FTO: variants seen among roughly 807,000 people sequenced by gnomAD.
FTO encodes the protein alpha-ketoglutarate-dependent dioxygenase FTO.
In FTO, 47 loss-of-function variants were observed where a neutral mutation model predicts 63.9. That is an observed-to-expected ratio of 0.74 (90% CI 0.58 to 0.94). The LOEUF (loss-of-function observed/expected upper bound fraction) is 0.94. Ranked by LOEUF, FTO falls within the 40% of genes least tolerant of loss-of-function variation. The pLI is 0.00. For synonymous variants in FTO, 207 were observed against 224.4 expected (o/e 0.92, Z 0.69); for missense variants, 562 against 618.1 (o/e 0.91, Z 0.96).
At chr16:53,903,755 C>T (rs2081464318) in intron 7 of FTO, among the ~76,000 whole-genome samples, 1 of 152,050 alleles carries the variant, frequency 6.6e-6, no homozygotes, top group Middle Eastern at 3.2e-3. Flanking sequence ...TAGTGAGTAT[C>T]CTAATACATA....
At chr16:53,986,556 G>A (rs191166271) in intron 8 of FTO, among the ~76,000 whole-genome samples, 19 of 152,232 alleles carry the variant, frequency 1.2e-4, no homozygotes, top group Admixed American at 5.9e-4. Context: ...ATACAAAAAG[G>A]GTACTCTGAT....
intron 1 of FTO, among the ~76,000 whole-genome samples, chr16:53,729,839 T>C (rs1160353889): frequency 2.6e-5 from 4 of 152,196 alleles, no homozygotes; most frequent in African/African-American, 9.7e-5. Context: ...TTCTGAGACT[T>C]CTGTGATTCT....
At chr16:53,774,378 A>G (rs2077414501) in intron 1 of FTO, among the ~76,000 whole-genome samples, 1 of 152,160 alleles carries the variant, frequency 6.6e-6, no homozygotes, top group Non-Finnish European at 1.5e-5. Flanking sequence ...TAAGAAAGCT[A>G]GGAAGATTTT....
At chr16:54,069,085 G>A (rs770836469) in intron 8 of FTO, among the ~76,000 whole-genome samples, 5 of 152,014 alleles carry the variant, frequency 3.3e-5, no homozygotes, top group Admixed American at 6.6e-5. Flanking sequence ...TAAACTGATC[G>A]CTCCAGTTTT....
intron 5 of FTO, among the ~76,000 whole-genome samples, chr16:53,874,481 T>G (rs972313245): frequency 2.0e-5 from 3 of 152,208 alleles, no homozygotes; most frequent in Non-Finnish European, 4.4e-5. Flanking sequence ...TGGGGTCCCA[T>G]GTACTCAGTT....
chr16:53,932,683 C>G (rs1463660819), intron 7 of FTO, among the ~76,000 whole-genome samples: 1 of 152,164 alleles, frequency 6.6e-6, no homozygotes, highest in African/African-American at 2.4e-5. Flanking sequence ...AACCACTGCA[C>G]TCAGCCCTGG....
At chr16:53,809,122 G>T (rs1335118212) in intron 1 of FTO, among the ~76,000 whole-genome samples, 1 of 152,148 alleles carries the variant, frequency 6.6e-6, no homozygotes, top group Non-Finnish European at 1.5e-5. Context: ...ATATGAGATC[G>T]TCTTTCAGTT....
intron 1 of FTO, among the ~76,000 whole-genome samples, chr16:53,805,257 C>T (rs191855966): frequency 3.3e-4 from 50 of 152,128 alleles, no homozygotes; most frequent in Non-Finnish European, 6.3e-4. Context: ...TGAGATACAC[C>T]CTTACATGAT....
intron 1 of FTO, among the ~76,000 whole-genome samples, chr16:53,798,083 C>G (rs891722994): frequency 6.6e-6 from 1 of 151,954 alleles, no homozygotes. Flanking sequence ...TCTTCTTTCT[C>G]CATTTGAATC....
intron 1 of FTO, among the ~76,000 whole-genome samples, chr16:53,776,728 T>G (rs2151644852): frequency 6.6e-6 from 1 of 152,338 alleles, no homozygotes; most frequent in African/African-American, 2.4e-5. Flanking sequence ...TGCACATCTC[T>G]TTACTGTCTA....
rs57004473 is a variant in FTO, at chr16:53,852,101, C to CAAAAAAAAAAAAAAAAAAAAA, written c.895+7822_895+7823insAAAAAAAAAAAAAAAAAAAAA. Among the ~76,000 whole-genome samples, 44 of 54,418 alleles carry CAAAAAAAAAAAAAAAAAAAAA rather than the reference C, an allele frequency of 8.1e-4. 5 individuals are homozygous for CAAAAAAAAAAAAAAAAAAAAA. Among genetic ancestry groups the CAAAAAAAAAAAAAAAAAAAAA allele is most frequent in the East Asian group, 3.3e-3 (6 of 1,804 alleles). 35.7% of individuals were successfully genotyped at this position (54,418 alleles called of 152,430 possible). On this transcript the variant is annotated intron_variant, in intron 4 of 8. Transcript: ENST00000471389. Reference sequence around the variant, plus strand: ...CAAAACTCTGTCTCTACAAAAAATACAAAAAAAAAAAAAAAAAAAGCCAGG... The same window carrying CAAAAAAAAAAAAAAAAAAAAA: ...CAAAACTCTGTCTCTACAAAAAATACAAAAAAAAAAAAAAAAAAAAAAAAAAAAAAAAAAAAAAAAGCCAGG...
At chr16:53,983,125 C>T (rs539422587) in intron 8 of FTO, among the ~76,000 whole-genome samples, 11 of 152,166 alleles carry the variant, frequency 7.2e-5, no homozygotes, top group East Asian at 1.9e-4. Flanking sequence ...TTTCTCTCTG[C>T]GCTTTTTGTG....
intron 7 of FTO, among the ~76,000 whole-genome samples, chr16:53,916,334 G>A (rs1282464407): frequency 6.6e-6 from 1 of 152,046 alleles, no homozygotes; most frequent in Admixed American, 6.5e-5. Flanking sequence ...ATATGCTTGG[G>A]TCTCTCTGTG....
intron 3 of FTO, among the ~76,000 whole-genome samples, chr16:53,834,768 T>C (rs1403202672): frequency 6.6e-6 from 1 of 152,198 alleles, no homozygotes; most frequent in African/African-American, 2.4e-5. Context: ...ATTTCTACTC[T>C]TTTCTTTCAG....
chr16:53,906,504 T>C (rs1054263613), intron 7 of FTO, among the ~76,000 whole-genome samples: 33 of 152,282 alleles, frequency 2.2e-4, no homozygotes, highest in African/African-American at 7.7e-4. Flanking sequence ...AACAGCTATG[T>C]TTATGATTCT....
chr16:54,007,714 C>G (rs1322943702), intron 8 of FTO, among the ~76,000 whole-genome samples: 1 of 152,166 alleles, frequency 6.6e-6, no homozygotes, highest in Admixed American at 6.5e-5. Context: ...ACCCTACTCC[C>G]CATTGATTGT....
intron 8 of FTO, among the ~76,000 whole-genome samples, chr16:53,955,061 G>A (rs1415411938): frequency 6.6e-6 from 1 of 152,206 alleles, no homozygotes; most frequent in African/African-American, 2.4e-5. Flanking sequence ...GTCAGTGCTT[G>A]ACCACTTCTG....
chr16:53,765,470 G>A (rs1467112798), intron 1 of FTO, among the ~76,000 whole-genome samples: 2 of 151,018 alleles, frequency 1.3e-5, no homozygotes, highest in East Asian at 2.0e-4. Flanking sequence ...CAGGAGAATC[G>A]CTTGATCCTG....
intron 1 of FTO, among the ~76,000 whole-genome samples, chr16:53,719,374 G>A (rs770577729): frequency 6.6e-6 from 1 of 151,512 alleles, no homozygotes; most frequent in African/African-American, 2.4e-5. Context: ...TGGGATTACA[G>A]GCGTGCACCA....
Sources: allele counts gnomAD v4.1 joint callset (sites outside exome capture counted in the v4.1 genomes callset), GRCh38; gene constraint gnomAD v4.1.1; transcripts MANE v1.5; gene names NCBI Gene and HGNC (gene_info 2026-07-23, HGNC 2026-07-21).